Variants in ZNF620 observed in about 807,000 individuals in gnomAD.
ZNF620 encodes zinc finger protein 620.
In ZNF620, 10 loss-of-function variants were observed where a neutral mutation model predicts 13.3. The ratio of observed to expected loss-of-function variants is 0.75; its 90% CI spans 0.46 to 1.28. The LOEUF is 1.28. ZNF620 is among the 50% of genes most tolerant of loss of function. The pLI, the probability that ZNF620 is intolerant of heterozygous loss-of-function variation, is 0.00. For synonymous variants in ZNF620, 166 were observed against 177.6 expected (o/e 0.93, Z 0.52); for missense variants, 461 against 500.2 (o/e 0.92, Z 0.75).
chr3:40,516,980 C>CT lies in ZNF620; in HGVS notation c.*120dup, dbSNP rs1575297182. On this transcript the variant is annotated 3_prime_UTR_variant, in exon 5 of 5. Transcript: ENST00000314529. ...CACTTGGCTTTCATCATGAACTCTT[C>CT]TTTAAGTTTTTTGAACCTGTTTCCC... 3 of 1,221,972 alleles carry CT rather than the reference C, an allele frequency of 2.5e-6. No homozygotes were observed. The highest frequency in any genetic ancestry group is 3.3e-6 in the Non-Finnish European group (3 of 897,046). 75.7% of individuals were successfully genotyped at this position (1,221,972 alleles called of 1,614,324 possible). A position where few individuals can be genotyped will look rare whatever the true frequency, so the allele number is the denominator to read the frequency against.
intron 2 of ZNF620, among the ~76,000 whole-genome samples, chr3:40,507,630 T>C (rs1456596787): frequency 1.3e-5 from 2 of 152,196 alleles, no homozygotes; most frequent in Non-Finnish European, 2.9e-5. Flanking sequence ...TCCTCTTTAA[T>C]ATTTTGGAAG....
Position 40,511,496 on chromosome 3 carries a change from T to A in ZNF620, c.51T>A (p.Ala17=), listed in dbSNP as rs774990258. Residue 17 remains alanine (A), a synonymous_variant, in exon 3 of 5, where the codon GCT becomes GCA. Transcript: ENST00000314529. ...RQEPVTFEDV[A]VYFTQNEWAS... ...AACCAGTGACCTTTGAGGATGTGGC[T>A]GTGTACTTCACCCAGAATGAATGGG... The A allele has an allele frequency of 6.2e-7, 1 of 1,613,676 alleles. No individual in the cohort carries two copies. The highest frequency in any genetic ancestry group is 8.5e-7 in the Non-Finnish European group (1 of 1,179,744).
intron 3 of ZNF620, among the ~76,000 whole-genome samples, chr3:40,512,066 G>C (rs895135769): frequency 1.3e-5 from 2 of 152,174 alleles, no homozygotes; most frequent in Non-Finnish European, 2.9e-5. Flanking sequence ...AGAGCCCTGC[G>C]TTCCCAGGTT....
Position 40,511,530 on chromosome 3 carries a change from G to A in ZNF620, c.85G>A (p.Asp29Asn), listed in dbSNP as rs753490375. ...YFTQNEWASL[D>N]SVQRALYREV... The stretch of plus-strand genomic sequence containing the variant: ...CACCCAGAATGAATGGGCCAGCCTG[G>A]ACTCTGTGCAGAGGGCCCTGTACAG... The change falls in exon 3 of 5, where the codon GAC becomes AAC. Residue 29 changes from aspartate (D) to asparagine (N), a missense_variant. Asp to Asn is a conservative substitution (Grantham distance 23). Transcript: ENST00000314529. 1.2e-5 allele frequency: 20 copies of A among 1,613,928 alleles called. 1 individual carries two copies. The South Asian group carries it at 2.2e-4, about 18-fold the overall frequency.
In ZNF620 at chr3:40,515,912, C is replaced by T. The variant is rs1440318390; in HGVS notation, c.318C>T (p.Ser106=). 2 of 1,613,482 alleles carry T rather than the reference C, an allele frequency of 1.2e-6. No homozygotes were observed. Among genetic ancestry groups the T allele is most frequent in the Admixed American group, 3.3e-5 (2 of 59,874 alleles). The change falls in exon 5 of 5, where the codon TCC becomes TCT. Residue 106 remains serine, a synonymous_variant. Coordinates refer to ENST00000314529, the MANE Select transcript of ZNF620 (RefSeq NM_175888.4). ...KEGLTPKDHV[S]KETESFRLMV... Reference sequence around the variant, plus strand: ...GATTAACTCCAAAGGATCATGTGTCCAAAGAAACAGAGTCCTTCAGACTGA... The same window carrying T: ...GATTAACTCCAAAGGATCATGTGTCTAAAGAAACAGAGTCCTTCAGACTGA...
intron 4 of ZNF620, among the ~76,000 whole-genome samples, chr3:40,513,314 AAAATATATAT>A (rs1698258656): frequency 2.9e-5 from 2 of 67,878 alleles, no homozygotes; most frequent in South Asian, 1.6e-3. Context: ...AAAAAAAAAA[AAAATATATAT>A]ATATATATAT....
rs756537167 is a variant in ZNF620 at position 40,516,207 on chromosome 3, T to G, written c.613T>G (p.Phe205Val). 2.5e-6 allele frequency: 4 copies of G among 1,614,116 alleles called. No individual in the cohort carries two copies. The highest frequency in any genetic ancestry group is 3.4e-6 in the Non-Finnish European group (4 of 1,180,046). The change falls in exon 5 of 5, where the codon TTC (phenylalanine) becomes GTC (valine). Residue 205 changes from phenylalanine (F) to valine (V), a missense_variant. Coordinates refer to ENST00000314529, the MANE Select transcript of ZNF620 (RefSeq NM_175888.4). ...SYECGQCGRY[F>V]IQMADFHRHE... is the part of the protein sequence containing the mutation. ...TGAATGTGGACAATGTGGCAGATATTTCATTCAAATGGCAGACTTCCACCG... is the reference window on the plus strand; with the variant it reads ...TGAATGTGGACAATGTGGCAGATATGTCATTCAAATGGCAGACTTCCACCG...
rs184089016 is a variant in ZNF620, at chr3:40,509,906, G to T, written c.25-1564G>T. Among the ~76,000 whole-genome samples the T allele has an allele frequency of 1.2e-3, 177 of 152,108 alleles. 2 individuals are homozygous for T. Among genetic ancestry groups the T allele is most frequent in the Middle Eastern group, 3.4e-3 (1 of 294 alleles). On this transcript the variant is annotated intron_variant, in intron 2 of 4. Transcript: ENST00000314529. ...TTCCTGTTTCTCAGGGATTGTTGTC[G>T]TTTTTTGCATGATATCTTGAAAATT...
At chr3:40,511,360 G>C in intron 2 of ZNF620, 110 bp from the exon 3 acceptor site, 4 of 1,446,074 alleles carry the variant, frequency 2.8e-6, no homozygotes, top group Non-Finnish European at 3.7e-6. Context: ...ATGGTGGAGT[G>C]CTGGATAACT....
In ZNF620 at chr3:40,512,675, C is replaced by T. The variant is rs1575291007; in HGVS notation, c.265+160C>T. Among the ~76,000 whole-genome samples the T allele has an allele frequency of 3.3e-5, 5 of 152,310 alleles. No homozygotes were observed. In the South Asian group the frequency reaches 1.0e-3, roughly 32 times the overall value. On this transcript the variant is annotated intron_variant, in intron 4 of 4. Transcript: ENST00000314529. Reference sequence around the variant, plus strand: ...AGTTCATGGTGGTAGCCTACCTCAACTGGGGAAGGGCCAGTCTCTTTTAAG... The same window carrying T: ...AGTTCATGGTGGTAGCCTACCTCAATTGGGGAAGGGCCAGTCTCTTTTAAG...
At chr3:40,515,514 T>A (rs956602368) in intron 4 of ZNF620, among the ~76,000 whole-genome samples, 4 of 152,248 alleles carry the variant, frequency 2.6e-5, no homozygotes, top group Non-Finnish European at 4.4e-5. Flanking sequence ...TTACTTTTTT[T>A]ATGTTTGCAT....
chr3:40,507,343 G>A (rs1428767836), intron 2 of ZNF620, among the ~76,000 whole-genome samples: 1 of 152,134 alleles, frequency 6.6e-6, no homozygotes, highest in African/African-American at 2.4e-5. Flanking sequence ...CCCCACCTTG[G>A]CTTCCCAAAG....
Position 40,517,818 on chromosome 3 carries a change from C to T in ZNF620, c.*955C>T, listed in dbSNP as rs1459721259. On this transcript the variant is annotated 3_prime_UTR_variant, in exon 5 of 5. Coordinates refer to ENST00000314529, the MANE Select transcript of ZNF620 (RefSeq NM_175888.4). ...TATGGATTCCCTATTGCAGTCCGTACGTCAGAAGTCTCCTAAATTCAAAAA... is the reference window on the plus strand; with the variant it reads ...TATGGATTCCCTATTGCAGTCCGTATGTCAGAAGTCTCCTAAATTCAAAAA... 3 of 152,178 alleles carry T rather than the reference C, an allele frequency of 2.0e-5. No homozygotes were observed. Among genetic ancestry groups the T allele is most frequent in the Non-Finnish European group, 4.4e-5 (3 of 68,036 alleles). The allele number at this position is 152,178 out of a possible 1,614,324, so 9.4% of individuals were successfully genotyped here.
chr3:40,515,396 A>C (rs1698340980), intron 4 of ZNF620, among the ~76,000 whole-genome samples: 1 of 152,236 alleles, frequency 6.6e-6, no homozygotes, highest in Non-Finnish European at 1.5e-5. Flanking sequence ...TTTAACAAGC[A>C]TCTCTTAAGG....
intron 2 of ZNF620, among the ~76,000 whole-genome samples, chr3:40,507,291 C>T (rs1698057208): frequency 6.6e-6 from 1 of 152,008 alleles, no homozygotes; most frequent in South Asian, 2.1e-4. Flanking sequence ...CAGGTTTCAC[C>T]ATGTTGGCCA....
In ZNF620 at chr3:40,511,594, TG is replaced by T; in HGVS notation, c.151+1del. 1 of 1,612,868 alleles carries T rather than the reference TG, an allele frequency of 6.2e-7. No homozygotes were observed. The highest frequency in any genetic ancestry group is 1.1e-5 in the South Asian group (1 of 90,898). On this transcript the variant is annotated frameshift_variant and splice_region_variant, in exon 3 of 5. Coordinates refer to ENST00000314529, the MANE Select transcript of ZNF620 (RefSeq NM_175888.4). LOFTEE classifies it high-confidence loss of function. The stretch of plus-strand genomic sequence containing the variant: ...GAGAATTATGCAAATGTGGCTTCCC[TG>T]GGTAAGACATTTCTTCTTGTTTTTG... ...MLENYANVAS[L>X]AFPFTTPVLV...
Position 40,516,833 on chromosome 3 carries a change from A to G in ZNF620, c.1239A>G (p.Leu413=), listed in dbSNP as rs1334773201. Residue 413 remains leucine, a synonymous_variant, in exon 5 of 5, where the codon CTA becomes CTG. Coordinates refer to ENST00000314529, the MANE Select transcript of ZNF620 (RefSeq NM_175888.4). The part of the protein sequence containing the change: ...WCGRFILHQK[L]HTQKTPVQA Reference sequence around the variant, plus strand: ...GAAGATTCATTCTGCATCAGAAACTACACACTCAGAAGACACCTGTCCAAG... The same window carrying G: ...GAAGATTCATTCTGCATCAGAAACTGCACACTCAGAAGACACCTGTCCAAG... The G allele has an allele frequency of 2.2e-5, 36 of 1,611,982 alleles. No individual in the cohort carries two copies. In the South Asian group the frequency reaches 3.9e-4, roughly 17 times the overall value.
Position 40,506,374 on chromosome 3 carries a change from C to T in ZNF620, c.22C>T (p.Gln8Ter). The T allele has an allele frequency of 1.2e-6, 2 of 1,613,958 alleles. No individual in the cohort carries two copies. The highest frequency in any genetic ancestry group is 1.7e-6 in the Non-Finnish European group (2 of 1,179,966). ...AGCCATGTTCCAGACCGCTTGGCGC[C>T]AGGTGAGTGAGCATCCTCTCCCTCC... MFQTAWR[Q>*]EPVTFEDVAV... is the part of the protein sequence containing the mutation. Residue 8 changes from glutamine to a stop codon, truncating the protein, a stop_gained and splice_region_variant, in exon 2 of 5, where the codon CAG (glutamine) becomes TAG (stop). Coordinates refer to ENST00000314529, the MANE Select transcript of ZNF620 (RefSeq NM_175888.4). LOFTEE classifies it high-confidence loss of function.
At chr3:40,515,735 G>A (rs369837200) in intron 4 of ZNF620, 125 bp from the exon 5 acceptor site, 1 of 1,231,846 alleles carries the variant, frequency 8.1e-7, no homozygotes, top group South Asian at 1.6e-5. Flanking sequence ...ATATATTCAG[G>A]GCAAATTAGA....
Sources: allele counts gnomAD v4.1 joint callset (sites outside exome capture counted in the v4.1 genomes callset), GRCh38; gene constraint gnomAD v4.1.1; transcripts MANE v1.5; gene names NCBI Gene and HGNC (gene_info 2026-07-23, HGNC 2026-07-21).